The following SMC6 variants were observed in gnomAD, a reference collection of about 807,000 sequenced individuals.
The protein encoded by SMC6 is structural maintenance of chromosomes 6, also known as structural maintenance of chromosomes protein 6.
Under a neutral mutation model 142.2 loss-of-function variants are expected in SMC6, and 79 were observed. The ratio of observed to expected loss-of-function variants is 0.56; its 90% confidence interval spans 0.46 to 0.67. SMC6 has a LOEUF of 0.67. Among genes scored for constraint, SMC6 ranks in the 30% least tolerant of loss-of-function variants. SMC6 has a pLI of 0.00. For synonymous variants in SMC6, 411 were observed against 412.4 expected (o/e 1.00, Z 0.04); for missense variants, 1,072 against 1,284.0 (o/e 0.83, Z 2.52).
intron 5 of SMC6, among the ~76,000 whole-genome samples, chr2:17,733,215 T>C (rs1043646431): frequency 2.6e-5 from 4 of 152,214 alleles, no homozygotes; most frequent in South Asian, 2.1e-4. Flanking sequence ...ATGAGCTTCA[T>C]TGTGAATTAC....
chr2:17,731,693 A>C, intron 6 of SMC6, 48 bp downstream of exon 6: 1 of 1,558,514 alleles, frequency 6.4e-7, no homozygotes. Flanking sequence ...ATTCTTTTTG[A>C]GTATTTCCTA....
intron 26 of SMC6, among the ~76,000 whole-genome samples, chr2:17,668,236 G>T (rs1666593186): frequency 6.6e-6 from 1 of 152,132 alleles, no homozygotes; most frequent in Non-Finnish European, 1.5e-5. Context: ...CAAAAACACT[G>T]CATGGAAAGA....
Position 17,731,121 on chromosome 2 carries a change from C to T in SMC6, c.500G>A (p.Arg167Lys). 2 of 1,612,236 alleles carry T rather than the reference C, an allele frequency of 1.2e-6. No homozygotes were observed. The highest frequency in any genetic ancestry group is 1.7e-6 in the Non-Finnish European group (2 of 1,179,016). The change falls in exon 7 of 28, where the codon AGG becomes AAG. Residue 167 changes from arginine (R) to lysine (K), a missense_variant. Transcript: ENST00000448223. ...KSATGSVVST[R>K]KEELIAILDH... ...AAGAATTGCAATCAGCTCTTCTTTCCTCGTGGAAACCACGGAGCCTAGTTA... is the reference window on the plus strand; with the variant it reads ...AAGAATTGCAATCAGCTCTTCTTTCTTCGTGGAAACCACGGAGCCTAGTTA...
intron 19 of SMC6, 48 bp downstream of exon 19, chr2:17,703,109 A>G: frequency 8.6e-7 from 1 of 1,169,224 alleles, no homozygotes; most frequent in Non-Finnish European, 1.2e-6. Flanking sequence ...ACTTCGTAGT[A>G]GTAAGTTGAA....
chr2:17,745,895 G>T lies in SMC6; in HGVS notation c.52C>A (p.Pro18Thr). Reference protein sequence around the residue: ...NFSSPKNAKRPRQEELEDFDK... With the variant: ...NFSSPKNAKRTRQEELEDFDK... ...AAATCCTCCAATTCTTCTTGTCTTG[G>T]CCTTTTGGCATTTTTAGGAGAGGAA... Residue 18 changes from proline to threonine, a missense_variant, in exon 3 of 28, where the codon CCA becomes ACA. Coordinates refer to ENST00000448223, the MANE Select transcript of SMC6 (RefSeq NM_001142286.2). The T allele has an allele frequency of 1.2e-6, 2 of 1,611,646 alleles. No individual in the cohort carries two copies. The highest frequency in any genetic ancestry group is 2.2e-5 in the East Asian group (1 of 44,694).
In SMC6 at chr2:17,739,879, A is replaced by AACACACACACACAC. The variant is rs60784309; in HGVS notation, c.239-1567_239-1554dup. ...ACACACACACACAGAGAATATGGTAAACACACACACACACACACACACACA... is the reference window on the plus strand; with the variant it reads ...ACACACACACACAGAGAATATGGTAAACACACACACACACACACACACACACACACACACACACA... On this transcript the variant is annotated intron_variant, in intron 4 of 27. Transcript: ENST00000448223. Among the ~76,000 whole-genome samples the AACACACACACACAC allele has an allele frequency of 6.8e-3, 790 of 115,508 alleles. 25 individuals are homozygous for AACACACACACACAC. Among genetic ancestry groups the AACACACACACACAC allele is most frequent in the East Asian group, 0.055 (159 of 2,886 alleles). The allele number at this position is 115,508 out of a possible 152,430, so 75.8% of individuals were successfully genotyped here.
At chr2:17,687,943 A>C (rs1340926696) in intron 23 of SMC6, among the ~76,000 whole-genome samples, 1 of 152,192 alleles carries the variant, frequency 6.6e-6, no homozygotes, top group Non-Finnish European at 1.5e-5. Context: ...GTTTTTCAAT[A>C]ATTTTCTTTC....
chr2:17,714,284 A>G (rs1668972371), intron 16 of SMC6, among the ~76,000 whole-genome samples: 1 of 151,898 alleles, frequency 6.6e-6, no homozygotes, highest in Non-Finnish European at 1.5e-5. Flanking sequence ...TTTGGTAGAC[A>G]GGTCTCCCCA....
At chr2:17,730,454 T>C (rs1207256340) in intron 7 of SMC6, among the ~76,000 whole-genome samples, 1 of 152,006 alleles carries the variant, frequency 6.6e-6, no homozygotes. Flanking sequence ...GATGCTATTT[T>C]GACTAGGACA....
intron 24 of SMC6, chr2:17,681,805 T>C (rs532104527): frequency 6.6e-6 from 1 of 152,238 alleles, no homozygotes; most frequent in South Asian, 2.1e-4. Flanking sequence ...TTGCAAAAAT[T>C]AAACAAAATA....
chr2:17,746,028 G>A, intron 2 of SMC6, 77 bp from the exon 3 acceptor site: 1 of 1,327,210 alleles, frequency 7.5e-7, no homozygotes, highest in Non-Finnish European at 9.8e-7. Context: ...AATCTAACAA[G>A]GCTAATTAAA....
rs192098430 is a variant in SMC6, at chr2:17,728,087, C to T, written c.544-1618G>A. ...GAAGTTTATATTCATTTCTCTATAC[C>T]TTTTTCATTGTTTTTGAAATGGAGT... On this transcript the variant is annotated intron_variant, in intron 7 of 27. Coordinates refer to ENST00000448223, the MANE Select transcript of SMC6 (RefSeq NM_001142286.2). Among the ~76,000 whole-genome samples the T allele has an allele frequency of 1.7e-3, 261 of 152,240 alleles. 1 individual carries two copies. Among genetic ancestry groups the T allele is most frequent in the African/African-American group, 5.8e-3 (240 of 41,548 alleles).
intron 26 of SMC6, among the ~76,000 whole-genome samples, chr2:17,666,804 G>A (rs1003297086): frequency 4.3e-5 from 6 of 141,068 alleles, no homozygotes; most frequent in Admixed American, 2.9e-4. Context: ...GTATAATAGC[G>A]AGACCCTGTC....
intron 24 of SMC6, chr2:17,680,242 T>C (rs1217259260): frequency 1.3e-5 from 2 of 152,200 alleles, no homozygotes; most frequent in Admixed American, 6.6e-5. Flanking sequence ...TGAAGAATCA[T>C]ATGAAGGTAA....
chr2:17,733,103 A>T (rs1669987313), intron 5 of SMC6, among the ~76,000 whole-genome samples: 1 of 152,256 alleles, frequency 6.6e-6, no homozygotes, highest in Non-Finnish European at 1.5e-5. Context: ...TTTAATTGGT[A>T]ATTAAATGAA....
At chr2:17,670,752 G>A (rs73921033) in intron 25 of SMC6, among the ~76,000 whole-genome samples, 177 bp from the exon 26 acceptor site, 2,027 of 152,294 alleles carry the variant, frequency 0.013, 24 homozygotes, top group African/African-American at 0.031. Flanking sequence ...ACAGTTATAC[G>A]TATAATGGTA....
chr2:17,734,744 CT>C (rs1553319934), intron 5 of SMC6, among the ~76,000 whole-genome samples: 1 of 135,544 alleles, frequency 7.4e-6, no homozygotes, highest in Admixed American at 7.3e-5. Flanking sequence ...TTCTTTTTTT[CT>C]TTTTGAGACA....
chr2:17,687,103 A>C (rs981051097), intron 23 of SMC6, among the ~76,000 whole-genome samples: 1 of 152,202 alleles, frequency 6.6e-6, no homozygotes, highest in African/African-American at 2.4e-5. Flanking sequence ...TGTTGGCGCA[A>C]ATGCAAAAAT....
At chr2:17,694,397 G>C (rs1029015216) in intron 23 of SMC6, among the ~76,000 whole-genome samples, 4 of 152,294 alleles carry the variant, frequency 2.6e-5, no homozygotes, top group Admixed American at 2.6e-4. Flanking sequence ...ACTCTGATTT[G>C]ATCATTACAC....
Sources: gnomAD v4.1 joint callset for allele counts (sites outside exome capture counted in the v4.1 genomes callset) on GRCh38, gnomAD v4.1.1 for gene constraint, MANE v1.5 for transcripts, NCBI Gene and HGNC (gene_info 2026-07-23, HGNC 2026-07-21) for gene names.